Variants in RALGAPA1 observed in about 807,000 individuals in gnomAD.
RALGAPA1 encodes the protein Ral GTPase activating protein catalytic subunit alpha 1, also known as ral GTPase-activating protein subunit alpha-1.
RALGAPA1 carries 52 observed loss-of-function variants against 269.6 expected under a neutral mutation model. That is an observed-to-expected ratio of 0.19 (90% CI 0.15 to 0.24). The LOEUF (loss-of-function observed/expected upper bound fraction) is 0.24, where lower values mean the gene tolerates loss of function less well. Among genes scored for constraint, RALGAPA1 ranks in the 10% least tolerant of loss-of-function variants. RALGAPA1 has a pLI of 1.00. For synonymous variants in RALGAPA1, 817 were observed against 1,008.3 expected (o/e 0.81, Z 3.60); for missense variants, 1,917 against 3,013.9 (o/e 0.64, Z 8.52).
intron 7 of RALGAPA1, among the ~76,000 whole-genome samples, chr14:35,755,037 A>T (rs1373984967): frequency 6.6e-6 from 1 of 152,176 alleles, no homozygotes; most frequent in Non-Finnish European, 1.5e-5. Flanking sequence ...GTGGTGTGAG[A>T]ATTCAAGGGG....
At chr14:35,766,437 G>C in intron 4 of RALGAPA1, 2 of 1,575,000 alleles carry the variant, frequency 1.3e-6, no homozygotes, top group Non-Finnish European at 1.7e-6. Flanking sequence ...GTCCAAAGCT[G>C]CTGACCTCTT....
chr14:35,619,675 C>T (rs2060482038), intron 35 of RALGAPA1, among the ~76,000 whole-genome samples: 1 of 152,142 alleles, frequency 6.6e-6, no homozygotes, highest in South Asian at 2.1e-4. Context: ...GTATCACCAC[C>T]AATCCCACAG....
intron 39 of RALGAPA1, among the ~76,000 whole-genome samples, chr14:35,563,730 A>G (rs1313978994): frequency 6.6e-6 from 1 of 152,212 alleles, no homozygotes; most frequent in African/African-American, 2.4e-5. Flanking sequence ...TACCCGAATT[A>G]TAAGGAATAT....
At chr14:35,667,790 C>T (rs752966358) in intron 26 of RALGAPA1, among the ~76,000 whole-genome samples, 5 of 152,178 alleles carry the variant, frequency 3.3e-5, no homozygotes, top group Non-Finnish European at 5.9e-5. Context: ...TATGATCCAG[C>T]AATTCCACAA....
At position 35,689,647 on chromosome 14, in the gene RALGAPA1, C is replaced by A; in HGVS notation, c.2764G>T (p.Asp922Tyr). Residue 922 changes from aspartate (D) to tyrosine (Y), a missense_variant, in exon 18 of 42, where the codon GAT becomes TAT. Around this residue, in one of 11 missense-constraint regions of RALGAPA1, gnomAD observed 615 missense variants for 790.0 expected, o/e 0.78. Coordinates refer to ENST00000680220, the MANE Select transcript of RALGAPA1 (RefSeq NM_001346249.2). ...CHLIGPVELA[D>Y]SAFEQIQYID... ...TACTGGATTTGTTCAAAAGCTGAAT[C>A]TGCAAGTTCTACTGGACCTATTAAA... The A allele has an allele frequency of 7.9e-7, 1 of 1,269,054 alleles. No individual in the cohort carries two copies. Among genetic ancestry groups the A allele is most frequent in the Non-Finnish European group, 9.9e-7 (1 of 1,009,486 alleles). 78.6% of individuals were successfully genotyped at this position (1,269,054 alleles called of 1,614,324 possible). A position where few individuals can be genotyped will look rare whatever the true frequency, so the allele number is the denominator to read the frequency against.
chr14:35,633,377 T>TAC (rs1292210060), intron 33 of RALGAPA1, among the ~76,000 whole-genome samples: 1 of 152,188 alleles, frequency 6.6e-6, no homozygotes, highest in Non-Finnish European at 1.5e-5. Context: ...CTGCTTGTTA[T>TAC]ACCTCTTTTA....
chr14:35,689,355 T>G lies in RALGAPA1; in HGVS notation c.3056A>C (p.Asn1019Thr). 8.1e-7 allele frequency: 1 copy of G among 1,232,328 alleles called. No individual in the cohort carries two copies. 76.3% of individuals were successfully genotyped at this position (1,232,328 alleles called of 1,614,324 possible). A position where few individuals can be genotyped will look rare whatever the true frequency, so the allele number is the denominator to read the frequency against. The change falls in exon 18 of 42, where the codon AAT becomes ACT. Residue 1019 changes from asparagine (N) to threonine (T), a missense_variant. This residue lies in a region of RALGAPA1 where 615 missense variants were observed against 790.0 expected (regional missense o/e 0.78). Transcript: ENST00000680220. ...ACTGTCTGACTGGTTAGGTGCGATA[T>G]TACTCATGAAGACAGCTGAGTTTGG... is the stretch of plus-strand genomic sequence containing the variant. The part of the protein sequence containing the change: ...KEPNSAVFMS[N>T]IAPNQSDSFF...
chr14:35,728,594 A>T (rs1012108614), intron 12 of RALGAPA1, 84 bp from the exon 13 acceptor site: 16 of 1,417,812 alleles, frequency 1.1e-5, no homozygotes, highest in Non-Finnish European at 9.3e-7. Context: ...CACTGATCAC[A>T]CTGTGGGTAA....
At chr14:35,634,551 G>T (rs755942882) in intron 33 of RALGAPA1, 23 bp downstream of exon 33, 3 of 1,595,040 alleles carry the variant, frequency 1.9e-6, no homozygotes, top group Non-Finnish European at 1.7e-6. Context: ...CAACAATATT[G>T]TCCTGAACAG....
chr14:35,619,427 C>A (rs866122336), intron 35 of RALGAPA1, among the ~76,000 whole-genome samples: 1 of 151,952 alleles, frequency 6.6e-6, no homozygotes, highest in African/African-American at 2.4e-5. Flanking sequence ...CCTAACATCA[C>A]GATTAAAAGA....
intron 1 of RALGAPA1, among the ~76,000 whole-genome samples, chr14:35,801,062 TAAA>T (rs34303502): frequency 8.8e-6 from 1 of 114,206 alleles, no homozygotes; most frequent in Non-Finnish European, 1.9e-5. Context: ...AGACATCAAT[TAAA>T]AAAAAAAAAA....
intron 31 of RALGAPA1, among the ~76,000 whole-genome samples, chr14:35,651,030 C>T (rs1177458873): frequency 2.6e-5 from 4 of 151,944 alleles, no homozygotes; most frequent in Non-Finnish European, 4.4e-5. Context: ...TGAGCAGCAC[C>T]GACCTAGAGT....
intron 4 of RALGAPA1, among the ~76,000 whole-genome samples, chr14:35,763,007 A>T (rs143349019): frequency 6.6e-6 from 1 of 152,342 alleles, no homozygotes; most frequent in East Asian, 1.9e-4. Flanking sequence ...TGCATTTAAC[A>T]CAACAATCTA....
intron 22 of RALGAPA1, chr14:35,676,343 C>A (rs2064946985): frequency 6.6e-6 from 1 of 152,178 alleles, no homozygotes; most frequent in Admixed American, 6.6e-5. Context: ...TACCGAGTAG[C>A]TGGGATGACA....
intron 1 of RALGAPA1, among the ~76,000 whole-genome samples, chr14:35,784,085 A>G (rs972032689): frequency 2.3e-4 from 35 of 152,168 alleles, no homozygotes; most frequent in African/African-American, 7.9e-4. Flanking sequence ...AATTGAAAAC[A>G]TAAGATCAGG....
chr14:35,767,040 T>C, intron 4 of RALGAPA1: 2 of 356,160 alleles, frequency 5.6e-6, no homozygotes, highest in Non-Finnish European at 1.1e-5. Flanking sequence ...GTTATTCAAC[T>C]TCAAGAACTT....
intron 1 of RALGAPA1, among the ~76,000 whole-genome samples, chr14:35,800,918 C>T (rs2076919381): frequency 6.6e-6 from 1 of 151,980 alleles, no homozygotes; most frequent in South Asian, 2.1e-4. Flanking sequence ...GGCAGAAGAA[C>T]AGCTTGAACC....
chr14:35,701,308 T>A (rs143554491), intron 16 of RALGAPA1, among the ~76,000 whole-genome samples: 3 of 152,298 alleles, frequency 2.0e-5, no homozygotes, highest in African/African-American at 7.2e-5. Context: ...ATAGTAATGG[T>A]GGCAAAATAA....
chr14:35,612,534 TC>T (rs2060004097), intron 35 of RALGAPA1, among the ~76,000 whole-genome samples: 1 of 150,798 alleles, frequency 6.6e-6, no homozygotes, highest in Non-Finnish European at 1.5e-5. Flanking sequence ...TTCTTCTTCT[TC>T]TTCTTCTTTT....
Sources: gnomAD v4.1 joint callset for allele counts (sites outside exome capture counted in the v4.1 genomes callset) on GRCh38, gnomAD v4.1.1 for gene constraint, gnomAD v4.1.1 regional missense constraint, MANE v1.5 for transcripts, NCBI Gene and HGNC (gene_info 2026-07-23, HGNC 2026-07-21) for gene names.